Variants in CTNNA2 observed in about 807,000 individuals in gnomAD.
The protein encoded by CTNNA2 is catenin alpha 2.
A neutral mutation model predicts 101.0 loss-of-function variants in CTNNA2; 42 were observed. The observed-to-expected ratio is 0.42, with a 90% CI of 0.32 to 0.54. The LOEUF (loss-of-function observed/expected upper bound fraction) is 0.54. Among genes scored for constraint, CTNNA2 ranks in the 20% least tolerant of loss-of-function variants. The pLI is 0.14. For missense variants in CTNNA2, 871 were observed against 1,223.1 expected (o/e 0.71, Z 4.29); for synonymous variants, 450 against 456.4 (o/e 0.99, Z 0.18).
intron 7 of CTNNA2, among the ~76,000 whole-genome samples, chr2:79,953,460 T>C (rs528001924): frequency 6.6e-6 from 1 of 152,324 alleles, no homozygotes. Flanking sequence ...CCCTCTCCTT[T>C]CTGCATTACC....
chr2:80,313,419 T>A, intron 7 of CTNNA2: 2 of 1,445,242 alleles, frequency 1.4e-6, no homozygotes, highest in Non-Finnish European at 1.8e-6. Flanking sequence ...ACCCTGTGTG[T>A]TCACAGTTCT....
intron 3 of CTNNA2, among the ~76,000 whole-genome samples, chr2:79,332,663 T>C (rs1266788033): frequency 6.6e-6 from 1 of 152,088 alleles, no homozygotes; most frequent in Non-Finnish European, 1.5e-5. Flanking sequence ...ACAATTAGAG[T>C]GTTGTATTTT....
intron 9 of CTNNA2, among the ~76,000 whole-genome samples, chr2:80,488,242 G>A (rs1241938625): frequency 2.6e-5 from 4 of 152,128 alleles, no homozygotes; most frequent in African/African-American, 9.7e-5. Flanking sequence ...TTCTGTTCTT[G>A]AAGCCTACTC....
chr2:79,202,344 A>AT (rs1160841265), intron 2 of CTNNA2, among the ~76,000 whole-genome samples: 17 of 120,094 alleles, frequency 1.4e-4, no homozygotes, highest in African/African-American at 3.6e-4. Context: ...TATTTTTTTT[A>AT]TTTTTTTTAT....
intron 3 of CTNNA2, among the ~76,000 whole-genome samples, chr2:79,852,475 T>C (rs1680794046): frequency 6.6e-6 from 1 of 152,270 alleles, no homozygotes; most frequent in South Asian, 2.1e-4. Context: ...TGCCTTTTTC[T>C]TCATTTTCAT....
intron 4 of CTNNA2, among the ~76,000 whole-genome samples, chr2:79,386,203 G>A (rs1678104374): frequency 6.6e-6 from 1 of 152,106 alleles, no homozygotes; most frequent in Non-Finnish European, 1.5e-5. Context: ...TAATGCCTCT[G>A]GAGTAGATTC....
Position 79,919,742 on chromosome 2 carries a change from C to A in CTNNA2, c.1056+9945C>A, listed in dbSNP as rs191314706. On this transcript the variant is annotated intron_variant, in intron 7 of 18. Coordinates refer to ENST00000402739, the MANE Select transcript of CTNNA2 (RefSeq NM_001282597.3). Reference sequence around the variant, plus strand: ...AAGAAGATCTGAACGCTGGATCTCTCGTTCCCGAATGGCTTGTTCCAAAGA... The same window carrying A: ...AAGAAGATCTGAACGCTGGATCTCTAGTTCCCGAATGGCTTGTTCCAAAGA... Among the ~76,000 whole-genome samples, 198 of 152,320 alleles carry A rather than the reference C, an allele frequency of 1.3e-3. 1 individual carries two copies. The highest frequency in any genetic ancestry group is 6.8e-3 in the Middle Eastern group (2 of 292).
intron 1 of CTNNA2, among the ~76,000 whole-genome samples, chr2:79,559,436 A>G (rs1573343376): frequency 6.6e-6 from 1 of 152,090 alleles, no homozygotes; most frequent in Middle Eastern, 3.4e-3. Flanking sequence ...AAAGTGAGAA[A>G]TAACAGAGGC....
chr2:80,213,767 C>T (rs1276425972), intron 7 of CTNNA2, among the ~76,000 whole-genome samples: 3 of 152,092 alleles, frequency 2.0e-5, no homozygotes, highest in Non-Finnish European at 2.9e-5. Context: ...CCTGGGTATC[C>T]TTGTTAACTT....
At chr2:80,205,297 A>C (rs1242658354) in intron 7 of CTNNA2, among the ~76,000 whole-genome samples, 1 of 152,220 alleles carries the variant, frequency 6.6e-6, no homozygotes, top group Non-Finnish European at 1.5e-5. Context: ...CCATACACAC[A>C]GAAACTATGA....
At chr2:80,623,999 A>G (rs2149813237) in intron 18 of CTNNA2, among the ~76,000 whole-genome samples, 1 of 152,162 alleles carries the variant, frequency 6.6e-6, no homozygotes, top group South Asian at 2.1e-4. Flanking sequence ...ATAAATAATC[A>G]GTGATGCTAT....
intron 7 of CTNNA2, chr2:80,162,652 T>G (rs1704402606): frequency 2.5e-6 from 4 of 1,612,400 alleles, no homozygotes; most frequent in Non-Finnish European, 3.4e-6. Flanking sequence ...ATTCTGACTT[T>G]ACGCTGTGAT....
At chr2:79,370,852 T>C (rs2104454520) in intron 3 of CTNNA2, among the ~76,000 whole-genome samples, 1 of 152,276 alleles carries the variant, frequency 6.6e-6, no homozygotes, top group African/African-American at 2.4e-5. Context: ...TTCTCCACCC[T>C]TTTGAGTGAC....
chr2:79,457,655 AC>A (rs145874108), intron 4 of CTNNA2, among the ~76,000 whole-genome samples: 3,466 of 152,228 alleles, frequency 0.023, 121 homozygotes, highest in African/African-American at 0.078. Flanking sequence ...TTTTCTACTT[AC>A]CTTAGTTACG....
At chr2:80,536,081 T>C (rs1033400095) in intron 9 of CTNNA2, among the ~76,000 whole-genome samples, 5 of 152,208 alleles carry the variant, frequency 3.3e-5, no homozygotes, top group Admixed American at 1.3e-4. Context: ...TCCACTGTTA[T>C]TGAATTGTGA....
At chr2:79,280,657 A>C (rs374139261) in intron 2 of CTNNA2, among the ~76,000 whole-genome samples, 1 of 50,298 alleles carries the variant, frequency 2.0e-5, no homozygotes, top group Non-Finnish European at 3.8e-5. Context: ...GTGTGTGTGT[A>C]AGAGAAAGAG....
At chr2:79,892,750 A>C (rs182949664) in intron 6 of CTNNA2, among the ~76,000 whole-genome samples, 13 of 152,286 alleles carry the variant, frequency 8.5e-5, no homozygotes, top group Non-Finnish European at 1.0e-4. Flanking sequence ...AAACTTCAAA[A>C]TTGAGAAAGA....
At chr2:79,765,475 G>A (rs768651084) in intron 3 of CTNNA2, among the ~76,000 whole-genome samples, 15 of 152,104 alleles carry the variant, frequency 9.9e-5, no homozygotes, top group Non-Finnish European at 2.2e-4. Flanking sequence ...CGCCTGGGGA[G>A]CTTGTTAAAG....
intron 4 of CTNNA2, among the ~76,000 whole-genome samples, chr2:79,490,797 A>T (rs770926581): frequency 5.3e-5 from 8 of 152,216 alleles, no homozygotes; most frequent in Non-Finnish European, 1.0e-4. Context: ...AAATGTTATG[A>T]TCCCTTAGAG....
Sources: gnomAD v4.1 joint callset for allele counts (sites outside exome capture counted in the v4.1 genomes callset) on GRCh38, gnomAD v4.1.1 for gene constraint, MANE v1.5 for transcripts, NCBI Gene and HGNC (gene_info 2026-07-23, HGNC 2026-07-21) for gene names.